Variants in USP24 observed in about 807,000 individuals in gnomAD.
USP24 encodes ubiquitin specific peptidase 24.
A neutral mutation model predicts 361.6 loss-of-function variants in USP24; 97 were observed. That is an observed-to-expected ratio of 0.27 (90% CI 0.23 to 0.32). The LOEUF (loss-of-function observed/expected upper bound fraction) is 0.32. Ranked by LOEUF, USP24 falls within the 10% of genes least tolerant of loss-of-function variation. The pLI is 1.00. For synonymous variants in USP24, 1,098 were observed against 1,124.6 expected, an observed-to-expected ratio of 0.98 and a Z score of 0.47; for missense variants, 2,353 against 3,165.6, an observed-to-expected ratio of 0.74 and a Z score of 6.16.
At chr1:55,069,190 T>G (rs1258336946) in intron 67 of USP24, 83 bp from the exon 68 acceptor site, 2 of 1,360,566 alleles carry the variant, frequency 1.5e-6, no homozygotes, top group African/African-American at 2.9e-5. Flanking sequence ...AATTTAAACA[T>G]GTCTTCATCT....
At chr1:55,087,922 G>A (rs949395352) in intron 55 of USP24, among the ~76,000 whole-genome samples, 2 of 152,236 alleles carry the variant, frequency 1.3e-5, no homozygotes, top group African/African-American at 4.8e-5. Flanking sequence ...AATAACAGGT[G>A]CAAGGACCTT....
chr1:55,164,167 A>G (rs755863683), intron 7 of USP24, among the ~76,000 whole-genome samples: 6 of 151,800 alleles, frequency 4.0e-5, no homozygotes, highest in Non-Finnish European at 7.4e-5. Flanking sequence ...AAAGATGACC[A>G]TGATATTATG....
chr1:55,147,583 T>C (rs1408101196), intron 18 of USP24, 66 bp downstream of exon 18: 3 of 1,422,068 alleles, frequency 2.1e-6, no homozygotes, highest in East Asian at 2.7e-5. Context: ...ATTCTTTTTA[T>C]AGTATAAGTA....
chr1:55,079,234 A>G (rs1036964315), intron 60 of USP24, among the ~76,000 whole-genome samples: 4 of 152,136 alleles, frequency 2.6e-5, no homozygotes, highest in Non-Finnish European at 5.9e-5. Flanking sequence ...GGAACACACA[A>G]AAGAGATTGG....
intron 1 of USP24, among the ~76,000 whole-genome samples, chr1:55,210,523 A>G (rs953552070): frequency 7.2e-5 from 11 of 152,200 alleles, no homozygotes; most frequent in Non-Finnish European, 1.5e-4. Context: ...GAATAACATG[A>G]ATTTTACCAT....
chr1:55,083,050 T>A (rs1645182565), intron 58 of USP24, among the ~76,000 whole-genome samples: 1 of 152,116 alleles, frequency 6.6e-6, no homozygotes, highest in Non-Finnish European at 1.5e-5. Flanking sequence ...AATCCACCTT[T>A]CCCTCTTATG....
intron 21 of USP24, 25 bp downstream of exon 21, chr1:55,144,102 C>T: frequency 1.3e-6 from 2 of 1,563,658 alleles, no homozygotes; most frequent in African/African-American, 2.8e-5. Flanking sequence ...TCCAAACTAT[C>T]TAGATTTGAG....
intron 39 of USP24, among the ~76,000 whole-genome samples, chr1:55,107,925 A>C (rs1194360988): frequency 6.7e-6 from 1 of 149,692 alleles, no homozygotes; most frequent in Non-Finnish European, 1.5e-5. Flanking sequence ...TGCTGCCCAC[A>C]GGGAATGAAG....
intron 16 of USP24, among the ~76,000 whole-genome samples, chr1:55,151,686 A>G (rs1279199833): frequency 6.6e-6 from 1 of 152,190 alleles, no homozygotes; most frequent in African/African-American, 2.4e-5. Context: ...ATTGGGGTAG[A>G]CAGTGGAAGG....
At chr1:55,077,995 A>G (rs1172427336) in intron 61 of USP24, among the ~76,000 whole-genome samples, 2 of 152,226 alleles carry the variant, frequency 1.3e-5, no homozygotes, top group African/African-American at 4.8e-5. Context: ...ATAGGTCTGT[A>G]GAGAAAAGGC....
At chr1:55,135,172 T>TG (rs1246296826) in intron 28 of USP24, among the ~76,000 whole-genome samples, 5 of 152,278 alleles carry the variant, frequency 3.3e-5, no homozygotes, top group African/African-American at 9.6e-5. Flanking sequence ...AAAATTGAGA[T>TG]GGGGGTCTCG....
At position 55,068,895 on chromosome 1, in the gene USP24, T is replaced by C. The variant is rs1246567294; in HGVS notation, c.*150A>G. On this transcript the variant is annotated 3_prime_UTR_variant, in exon 68 of 68. Coordinates refer to ENST00000294383, the MANE Select transcript of USP24 (RefSeq NM_015306.3). ...AAACCTTCTAGTGGCTTAAAAATGC[T>C]TTCCTTGAGAAATACACGATCCGCC... The C allele has an allele frequency of 1.3e-6, 1 of 775,818 alleles. No individual in the cohort carries two copies. Among genetic ancestry groups the C allele is most frequent in the East Asian group, 2.7e-5 (1 of 37,220 alleles). The allele number at this position is 775,818 out of a possible 1,614,324, so 48.1% of individuals were successfully genotyped here.
chr1:55,156,634 T>C (rs2100749330), intron 12 of USP24, among the ~76,000 whole-genome samples: 1 of 152,176 alleles, frequency 6.6e-6, no homozygotes, highest in East Asian at 1.9e-4. Context: ...AATAATATAA[T>C]GAAAAGAACA....
intron 2 of USP24, among the ~76,000 whole-genome samples, chr1:55,177,273 C>T (rs1471361795): frequency 1.3e-5 from 2 of 152,046 alleles, no homozygotes; most frequent in South Asian, 2.1e-4. Context: ...TGAATAAGTT[C>T]CCTGTAAAAT....
At chr1:55,079,755 G>A (rs962802641) in intron 59 of USP24, 96 bp from the exon 60 acceptor site, 10 of 1,180,236 alleles carry the variant, frequency 8.5e-6, no homozygotes, top group African/African-American at 3.2e-5. Context: ...TTCAAGACTC[G>A]CACACACACT....
At chr1:55,210,389 T>A (rs1443415675) in intron 1 of USP24, among the ~76,000 whole-genome samples, 1 of 152,104 alleles carries the variant, frequency 6.6e-6, no homozygotes, top group Non-Finnish European at 1.5e-5. Context: ...GGCCTTTTTT[T>A]ATTTACCAAA....
rs1334061534 is a variant in USP24 at position 55,154,177 on chromosome 1, G to A, written c.1754C>T (p.Ala585Val). 6.2e-7 allele frequency: 1 copy of A among 1,613,552 alleles called. No homozygotes were observed. Among genetic ancestry groups the A allele is most frequent in the Non-Finnish European group, 8.5e-7 (1 of 1,179,686 alleles). ...GCTCCTCTTGATTGCTTCTTTCACT[G>A]CATATGCATCACTAAGGATTGTCAG... ...EHLTILSDAY[A>V]VKEAIKRSYI... The change falls in exon 15 of 68, where the codon GCA (alanine) becomes GTA (valine). Residue 585 changes from alanine to valine, a missense_variant. Physicochemically the swap from Ala to Val is moderately conservative, Grantham distance 64. Around this residue, in one of 8 missense-constraint regions of USP24, gnomAD observed 386 missense variants for 560.5 expected, o/e 0.69. Transcript: ENST00000294383.
chr1:55,083,564 C>A (rs950350994), intron 57 of USP24, among the ~76,000 whole-genome samples, 200 bp from the exon 58 acceptor site: 26 of 152,052 alleles, frequency 1.7e-4, no homozygotes, highest in African/African-American at 6.0e-4. Flanking sequence ...AAACAATTAA[C>A]CCCTAGTTTT....
At position 55,172,495 on chromosome 1, in the gene USP24, T is replaced by C; in HGVS notation, c.584A>G (p.Lys195Arg). ...TCCTTCATGAATTTCAGTACCCCAC[T>C]TGTGAACAGCACTTGATGTCAGGAG... is the stretch of plus-strand genomic sequence containing the variant. ...KKLLTSSAVHKWGTEIHEGIY... is the reference protein window; with the variant it reads ...KKLLTSSAVHRWGTEIHEGIY... Residue 195 changes from lysine to arginine, a missense_variant, in exon 4 of 68, where the codon AAG (lysine) becomes AGG (arginine). Coordinates refer to ENST00000294383, the MANE Select transcript of USP24 (RefSeq NM_015306.3). 1 of 1,613,254 alleles carries C rather than the reference T, an allele frequency of 6.2e-7. No individual in the cohort carries two copies. The highest frequency in any genetic ancestry group is 8.5e-7 in the Non-Finnish European group (1 of 1,179,538).
Sources: gnomAD v4.1 joint callset for allele counts (sites outside exome capture counted in the v4.1 genomes callset) on GRCh38, gnomAD v4.1.1 for gene constraint, gnomAD v4.1.1 regional missense constraint, MANE v1.5 for transcripts, NCBI Gene and HGNC (gene_info 2026-07-23, HGNC 2026-07-21) for gene names.